The following ADCY2 variants were observed in gnomAD, a reference collection of about 807,000 sequenced individuals.
ADCY2 encodes the protein adenylate cyclase type 2.
ADCY2 carries 31 observed loss-of-function variants against 125.2 expected under a neutral mutation model. The observed-to-expected ratio is 0.25, with a 90% CI of 0.19 to 0.33. The LOEUF is 0.33. ADCY2 is among the 10% of genes least tolerant of loss of function. The pLI is 1.00. For missense variants in ADCY2, 904 were observed against 1,418.2 expected (o/e 0.64, Z 5.82); for synonymous variants, 512 against 548.4 (o/e 0.93, Z 0.93).
chr5:7,558,763 T>C (rs1379766501), intron 3 of ADCY2, among the ~76,000 whole-genome samples: 1 of 152,248 alleles, frequency 6.6e-6, no homozygotes, highest in Non-Finnish European at 1.5e-5. Context: ...TGCCAGTTTC[T>C]ATGGCCAGAA....
chr5:7,710,964 CAAT>C (rs1297414904), intron 10 of ADCY2, among the ~76,000 whole-genome samples: 1 of 152,096 alleles, frequency 6.6e-6, no homozygotes, highest in African/African-American at 2.4e-5. Context: ...ACAGCTGGAA[CAAT>C]GATGATGCCA....
chr5:7,528,928 A>C (rs1734556755), intron 3 of ADCY2, among the ~76,000 whole-genome samples: 1 of 152,222 alleles, frequency 6.6e-6, no homozygotes, highest in Admixed American at 6.5e-5. Flanking sequence ...ACAATGAGAA[A>C]ATCAGCATCC....
intron 3 of ADCY2, among the ~76,000 whole-genome samples, chr5:7,581,389 G>A (rs866610978): frequency 1.3e-5 from 2 of 152,048 alleles, no homozygotes; most frequent in Non-Finnish European, 2.9e-5. Context: ...CTCATATTAG[G>A]TGTACAATAT....
intron 1 of ADCY2, among the ~76,000 whole-genome samples, chr5:7,408,579 C>G (rs1739590270): frequency 6.6e-6 from 1 of 151,496 alleles, no homozygotes; most frequent in South Asian, 2.1e-4. Flanking sequence ...TGTTGGCCAG[C>G]CTGGGCTCGA....
At chr5:7,622,051 G>A (rs1407800672) in intron 3 of ADCY2, among the ~76,000 whole-genome samples, 1 of 152,164 alleles carries the variant, frequency 6.6e-6, no homozygotes, top group African/African-American at 2.4e-5. Flanking sequence ...TGTGAAAGTA[G>A]CTAAATGAAG....
chr5:7,670,685 C>T (rs1739903982), intron 4 of ADCY2, among the ~76,000 whole-genome samples: 2 of 152,160 alleles, frequency 1.3e-5, no homozygotes, highest in Admixed American at 1.3e-4. Context: ...TGAAACTGTT[C>T]ACCCTCAGAT....
intron 3 of ADCY2, among the ~76,000 whole-genome samples, chr5:7,589,089 A>G (rs1048119670): frequency 6.6e-6 from 1 of 152,202 alleles, no homozygotes; most frequent in Non-Finnish European, 1.5e-5. Flanking sequence ...AGGTAAAACT[A>G]ACTGATTTGC....
chr5:7,424,153 T>C (rs2126358098), intron 2 of ADCY2, among the ~76,000 whole-genome samples: 1 of 152,370 alleles, frequency 6.6e-6, no homozygotes, highest in East Asian at 1.9e-4. Context: ...ACACACGTAG[T>C]GATCACATCG....
intron 3 of ADCY2, among the ~76,000 whole-genome samples, chr5:7,556,284 T>A (rs187741071): frequency 9.2e-5 from 14 of 152,328 alleles, no homozygotes; most frequent in African/African-American, 3.4e-4. Flanking sequence ...GAAGTCATTA[T>A]GTCCCTAGAA....
intron 3 of ADCY2, among the ~76,000 whole-genome samples, chr5:7,564,757 CG>C (rs1735835263): frequency 6.6e-6 from 1 of 152,100 alleles, no homozygotes; most frequent in Non-Finnish European, 1.5e-5. Flanking sequence ...ACTTGGGTCC[CG>C]GGCACCGCCA....
chr5:7,589,458 A>AGAAAGAAAGAAAGAAAGAAAGAAAGAAAG (rs1554022168), intron 3 of ADCY2, among the ~76,000 whole-genome samples: 1 of 72,932 alleles, frequency 1.4e-5, no homozygotes, highest in African/African-American at 5.1e-5. Context: ...GAAGGAAAGA[A>AGAAAGAAAGAAAGAAAGAAAGAAAGAAAG]AAAGAAAGAA....
chr5:7,506,755 G>A (rs2126512273), intron 2 of ADCY2, among the ~76,000 whole-genome samples: 1 of 146,628 alleles, frequency 6.8e-6, no homozygotes, highest in African/African-American at 2.5e-5. Context: ...TGGAATATTT[G>A]CGATAGAAAG....
At chr5:7,748,264 G>T (rs1238552109) in intron 15 of ADCY2, among the ~76,000 whole-genome samples, 1 of 152,206 alleles carries the variant, frequency 6.6e-6, no homozygotes, top group African/African-American at 2.4e-5. Context: ...GGGATGGTAA[G>T]TCGGTGGCCT....
At chr5:7,555,710 A>T (rs55882341) in intron 3 of ADCY2, among the ~76,000 whole-genome samples, 22,624 of 152,088 alleles carry the variant, frequency 0.15, 2,200 homozygotes, top group Non-Finnish European at 0.22. Context: ...TATCTTATAA[A>T]TTTATGTGGT....
At chr5:7,407,490 C>T (rs777229974) in intron 1 of ADCY2, among the ~76,000 whole-genome samples, 4 of 151,656 alleles carry the variant, frequency 2.6e-5, no homozygotes, top group East Asian at 1.9e-4. Context: ...AGAGAGAGAG[C>T]GAGCAATGGG....
chr5:7,735,968 C>T (rs1742237717), intron 14 of ADCY2, among the ~76,000 whole-genome samples: 1 of 152,164 alleles, frequency 6.6e-6, no homozygotes, highest in Non-Finnish European at 1.5e-5. Context: ...GAGGCAGAGG[C>T]AGGTGGATTG....
At chr5:7,622,921 A>G (rs1190098034) in intron 3 of ADCY2, among the ~76,000 whole-genome samples, 2 of 152,208 alleles carry the variant, frequency 1.3e-5, no homozygotes, top group East Asian at 1.9e-4. Flanking sequence ...AGAAAGGCCT[A>G]TGGCAATAAA....
intron 2 of ADCY2, among the ~76,000 whole-genome samples, chr5:7,519,403 G>C (rs2126530649): frequency 6.6e-6 from 1 of 152,280 alleles, no homozygotes; most frequent in Admixed American, 6.5e-5. Context: ...GGTGACACAG[G>C]TCACACTGAA....
intron 5 of ADCY2, among the ~76,000 whole-genome samples, chr5:7,693,037 C>G (rs1454179277): frequency 1.3e-5 from 2 of 152,122 alleles, no homozygotes; most frequent in Non-Finnish European, 2.9e-5. Context: ...TTGCACAAAC[C>G]TTGATTTCTG....
Sources: gnomAD v4.1 joint callset for allele counts (sites outside exome capture counted in the v4.1 genomes callset) on GRCh38, gnomAD v4.1.1 for gene constraint, MANE v1.5 for transcripts, NCBI Gene and HGNC (gene_info 2026-07-23, HGNC 2026-07-21) for gene names.